PIK3R3: variants seen among roughly 807,000 people sequenced by gnomAD.
PIK3R3 encodes the protein phosphoinositide-3-kinase regulatory subunit 3.
Under a neutral mutation model 62.9 loss-of-function variants are expected in PIK3R3, and 64 were observed. The ratio of observed to expected loss-of-function variants is 1.02; its 90% confidence interval spans 0.83 to 1.25. PIK3R3 has a LOEUF of 1.25. PIK3R3 is among the 50% of genes most tolerant of loss of function. The probability of loss-of-function intolerance (pLI) is 0.00; values close to 1 mark genes in which losing one functional copy is unlikely to be tolerated. For synonymous variants in PIK3R3, 165 were observed against 189.0 expected, an observed-to-expected ratio of 0.87 and a Z score of 1.04; for missense variants, 614 against 561.6, an observed-to-expected ratio of 1.09 and a Z score of -0.94.
At chr1:46,135,142 G>A (rs548986469), upstream of PIK3R3, among the ~76,000 whole-genome samples, 34 of 152,282 alleles carry the variant, frequency 2.2e-4, no homozygotes, top group Middle Eastern at 3.4e-3. Context: ...ATAGAAGTGA[G>A]GTTGTGATTG....
chr1:46,115,728 CT>C (rs1295300517), intron 1 of PIK3R3, among the ~76,000 whole-genome samples: 2 of 152,162 alleles, frequency 1.3e-5, no homozygotes, highest in African/African-American at 4.8e-5. Context: ...ACTAAACAGA[CT>C]TTTTTTCCAA....
Position 46,132,244 on chromosome 1 carries a change from A to T in PIK3R3, c.-292T>A, listed in dbSNP as rs981271493. ...AGGTGTTAAAAAGCGGCTTCCCAAA[A>T]ATCCTTTCTACACAGTCGCTCTCCG... On this transcript the variant is annotated 5_prime_UTR_variant, in exon 1 of 10. Coordinates refer to ENST00000262741, the MANE Select transcript of PIK3R3 (RefSeq NM_003629.4). 39 of 1,159,956 alleles carry T rather than the reference A, an allele frequency of 3.4e-5. No homozygotes were observed. In the East Asian group the frequency reaches 6.0e-4, roughly 18 times the overall value. 71.9% of individuals were successfully genotyped at this position (1,159,956 alleles called of 1,614,324 possible).
intron 1 of PIK3R3, among the ~76,000 whole-genome samples, chr1:46,124,876 T>C (rs992799341): frequency 3.3e-5 from 5 of 150,746 alleles, no homozygotes; most frequent in South Asian, 4.2e-4. Context: ...GGCGGGTGGA[T>C]TGCCTGAGGT....
chr1:46,141,004 G>A, the PIK3R3 span, among the ~76,000 whole-genome samples: 1 of 152,000 alleles, frequency 6.6e-6, no homozygotes, highest in Non-Finnish European at 1.5e-5. Context: ...GGGATCACAG[G>A]TGTGCACCAC....
At chr1:46,065,198 A>C (rs1648876868) in intron 5 of PIK3R3, among the ~76,000 whole-genome samples, 1 of 152,342 alleles carries the variant, frequency 6.6e-6, no homozygotes, top group South Asian at 2.1e-4. Flanking sequence ...CTTCATCAAA[A>C]TTCCAAACAC....
chr1:46,123,271 G>C (rs1226609755), intron 1 of PIK3R3, among the ~76,000 whole-genome samples: 1 of 152,150 alleles, frequency 6.6e-6, no homozygotes, highest in Non-Finnish European at 1.5e-5. Context: ...AAGAAGGAAA[G>C]GGGACGCAGA....
At chr1:46,118,811 C>A (rs1654415632) in intron 1 of PIK3R3, among the ~76,000 whole-genome samples, 1 of 152,078 alleles carries the variant, frequency 6.6e-6, no homozygotes, top group African/African-American at 2.4e-5. Context: ...CCACCTCGAC[C>A]TCTCACAGTG....
intron 1 of PIK3R3, among the ~76,000 whole-genome samples, chr1:46,109,976 C>T (rs1476721801): frequency 6.6e-6 from 1 of 152,138 alleles, no homozygotes; most frequent in Non-Finnish European, 1.5e-5. Context: ...ATTACTTTCC[C>T]ACAGGCACCT....
chr1:46,144,430 C>A, the PIK3R3 span, among the ~76,000 whole-genome samples: 1 of 152,108 alleles, frequency 6.6e-6, no homozygotes, highest in South Asian at 2.1e-4. Context: ...TACCATATGT[C>A]AAAATACTTG....
At chr1:46,125,259 G>C (rs891523045) in intron 1 of PIK3R3, among the ~76,000 whole-genome samples, 8 of 152,016 alleles carry the variant, frequency 5.3e-5, no homozygotes, top group Non-Finnish European at 8.8e-5. Context: ...TGAAAGCAAT[G>C]ACTAATCTTT....
intron 1 of PIK3R3, among the ~76,000 whole-genome samples, chr1:46,082,848 TGAGGTCAGGAGTTC>T (rs1182091285): frequency 1.3e-5 from 2 of 152,130 alleles, no homozygotes; most frequent in East Asian, 3.9e-4. Flanking sequence ...ACAGATCAGC[TGAGGTCAGGAGTTC>T]GAGGTCAGGA....
At chr1:46,076,753 T>C (rs1042428024) in intron 3 of PIK3R3, among the ~76,000 whole-genome samples, 1 of 152,224 alleles carries the variant, frequency 6.6e-6, no homozygotes, top group Admixed American at 6.5e-5. Flanking sequence ...CTTAACCATG[T>C]TAACCCTTAG....
chr1:46,106,647 A>G (rs1406756281), intron 1 of PIK3R3, among the ~76,000 whole-genome samples: 1 of 152,232 alleles, frequency 6.6e-6, no homozygotes, highest in Non-Finnish European at 1.5e-5. Context: ...CAAGGAGTTC[A>G]TGACTCAACT....
intron 7 of PIK3R3, among the ~76,000 whole-genome samples, chr1:46,049,998 G>A (rs1352980890): frequency 6.6e-6 from 1 of 151,808 alleles, no homozygotes; most frequent in Non-Finnish European, 1.5e-5. Flanking sequence ...GCGCACGCCT[G>A]TAATCCCAGC....
At chr1:46,169,565 G>C in the PIK3R3 span, among the ~76,000 whole-genome samples, 1 of 152,170 alleles carries the variant, frequency 6.6e-6, no homozygotes, top group Non-Finnish European at 1.5e-5. Flanking sequence ...AGACAGCAAA[G>C]GAGATTTGAG....
chr1:46,156,453 T>G, the PIK3R3 span, among the ~76,000 whole-genome samples: 1 of 140,328 alleles, frequency 7.1e-6, no homozygotes, highest in Non-Finnish European at 1.5e-5. Flanking sequence ...AGTGAGACTC[T>G]GTCTCAAAAA....
chr1:46,066,118 G>T lies in PIK3R3; in HGVS notation c.557C>A (p.Ser186Tyr), dbSNP rs141344830. ...CTCTTTACTCTTCTCCTGATACTGAGAGTGGTATTCTTGCAGTTTTTTACC... is the reference window on the plus strand; with the variant it reads ...CTCTTTACTCTTCTCCTGATACTGATAGTGGTATTCTTGCAGTTTTTTACC... ...AVGKKLQEYH[S>Y]QYQEKSKEYD... Residue 186 changes from serine (S) to tyrosine (Y), a missense_variant, in exon 5 of 10, where the codon TCT becomes TAT. Physicochemically the swap from Ser to Tyr is moderately radical, Grantham distance 144. Coordinates refer to ENST00000262741, the MANE Select transcript of PIK3R3 (RefSeq NM_003629.4). 1 of 1,598,508 alleles carries T rather than the reference G, an allele frequency of 6.3e-7. No individual in the cohort carries two copies. Among genetic ancestry groups the T allele is most frequent in the South Asian group, 1.1e-5 (1 of 90,780 alleles).
chr1:46,082,091 C>T (rs980668952), intron 1 of PIK3R3, among the ~76,000 whole-genome samples: 1 of 152,006 alleles, frequency 6.6e-6, no homozygotes, highest in African/African-American at 2.4e-5. Flanking sequence ...ATCCTAACTG[C>T]AAAAGGAAAA....
intron 1 of PIK3R3, among the ~76,000 whole-genome samples, chr1:46,112,946 A>G (rs2149456995): frequency 6.6e-6 from 1 of 152,282 alleles, no homozygotes; most frequent in South Asian, 2.1e-4. Flanking sequence ...ACCAAAAGTC[A>G]TTCTAGATTA....
Sources: gnomAD v4.1 joint callset for allele counts (sites outside exome capture counted in the v4.1 genomes callset) on GRCh38, gnomAD v4.1.1 for gene constraint, MANE v1.5 for transcripts, NCBI Gene and HGNC (gene_info 2026-07-23, HGNC 2026-07-21) for gene names.